SEC24D: variants seen among roughly 807,000 people sequenced by gnomAD.
The protein encoded by SEC24D is protein transport protein Sec24D.
A neutral mutation model predicts 116.9 loss-of-function variants in SEC24D; 69 were observed. That is an observed-to-expected ratio of 0.59 (90% CI 0.49 to 0.72). The LOEUF (loss-of-function observed/expected upper bound fraction) is 0.72. Ranked by LOEUF, SEC24D falls within the 30% of genes least tolerant of loss-of-function variation. SEC24D has a pLI of 0.00. For missense variants in SEC24D, 1,131 were observed against 1,264.1 expected (o/e 0.89, Z 1.60); for synonymous variants, 405 against 442.8 (o/e 0.91, Z 1.07).
intron 8 of SEC24D, among the ~76,000 whole-genome samples, chr4:118,796,192 A>G (rs1294053225): frequency 6.6e-6 from 1 of 152,172 alleles, no homozygotes; most frequent in Non-Finnish European, 1.5e-5. Flanking sequence ...ATGTTTGAAA[A>G]TTTTCAAAAC....
intron 8 of SEC24D, among the ~76,000 whole-genome samples, chr4:118,789,755 T>A (rs1397601791): frequency 6.6e-6 from 1 of 152,130 alleles, no homozygotes. Flanking sequence ...AGGCTAATTT[T>A]TTGTATTTTT....
chr4:118,834,736 T>C (rs1731016898), intron 1 of SEC24D, among the ~76,000 whole-genome samples: 1 of 152,212 alleles, frequency 6.6e-6, no homozygotes, highest in African/African-American at 2.4e-5. Flanking sequence ...ATGAAGCCTT[T>C]CCAGATTTCC....
In SEC24D at chr4:118,792,259, C is replaced by T. The variant is rs1223272481; in HGVS notation, c.1041+5424G>A. Among the ~76,000 whole-genome samples, 5 of 151,110 alleles carry T rather than the reference C, an allele frequency of 3.3e-5. 1 individual carries two copies. Among genetic ancestry groups the T allele is most frequent in the East Asian group, 4.0e-4 (2 of 5,050 alleles). On this transcript the variant is annotated intron_variant, in intron 8 of 22. Coordinates refer to ENST00000280551, the MANE Select transcript of SEC24D (RefSeq NM_014822.4). Reference sequence around the variant, plus strand: ...GAGACCCTCCGCCCGGCAGCCGCCCCGTCCGGGAGGTGGGGGGCAGCCCCC... The same window carrying T: ...GAGACCCTCCGCCCGGCAGCCGCCCTGTCCGGGAGGTGGGGGGCAGCCCCC...
chr4:118,733,032 T>C (rs972476321), intron 19 of SEC24D, 120 bp from the exon 20 acceptor site: 2 of 833,334 alleles, frequency 2.4e-6, no homozygotes, highest in Non-Finnish European at 3.8e-6. Context: ...AAGGATTAAC[T>C]GGTAACCCAT....
At chr4:118,748,880 G>C (rs1726679393) in intron 13 of SEC24D, among the ~76,000 whole-genome samples, 1 of 152,064 alleles carries the variant, frequency 6.6e-6, no homozygotes, top group Non-Finnish European at 1.5e-5. Flanking sequence ...AAACCTTTGT[G>C]CAAGGAGCAT....
chr4:118,764,670 G>A, intron 10 of SEC24D, 132 bp downstream of exon 10: 1 of 555,288 alleles, frequency 1.8e-6, no homozygotes, highest in Non-Finnish European at 3.2e-6. Flanking sequence ...CTGTGTCTTA[G>A]GCATTTCTAC....
rs1277877387 is a variant in SEC24D at position 118,723,221 on chromosome 4, T to A, written c.*294A>T. 1.7e-5 allele frequency: 4 copies of A among 235,226 alleles called. No homozygotes were observed. The highest frequency in any genetic ancestry group is 3.3e-5 in the Non-Finnish European group (4 of 122,782). The allele number at this position is 235,226 out of a possible 1,614,324, so 14.6% of individuals were successfully genotyped here. A position where few individuals can be genotyped will look rare whatever the true frequency, so the allele number is the denominator to read the frequency against. ...TTTATATGTCTAGCATAAAGAAAAT[T>A]GAGAATGTTTATGGTTCTGTAAACT... On this transcript the variant is annotated 3_prime_UTR_variant, in exon 23 of 23. Transcript: ENST00000280551.
At chr4:118,790,245 C>T (rs1382640657) in intron 8 of SEC24D, among the ~76,000 whole-genome samples, 1 of 152,164 alleles carries the variant, frequency 6.6e-6, no homozygotes, top group Non-Finnish European at 1.5e-5. Flanking sequence ...GAAAAATATA[C>T]ACAGATATTC....
chr4:118,731,062 G>A (rs1725661381), intron 21 of SEC24D: 2 of 452,962 alleles, frequency 4.4e-6, no homozygotes, highest in South Asian at 4.5e-5. Context: ...TACAGAGACT[G>A]GCACATAGTT....
intron 8 of SEC24D, among the ~76,000 whole-genome samples, chr4:118,775,304 T>C (rs981052877): frequency 1.5e-5 from 2 of 130,120 alleles, no homozygotes; most frequent in African/African-American, 3.1e-5. Context: ...CCCACAAATA[T>C]ACGCTCAGGA....
intron 8 of SEC24D, among the ~76,000 whole-genome samples, chr4:118,777,634 G>C (rs1728199994): frequency 6.6e-6 from 1 of 152,158 alleles, no homozygotes; most frequent in Non-Finnish European, 1.5e-5. Context: ...CCAGTAATGG[G>C]ATTGCTGGGT....
chr4:118,780,088 G>A (rs1728328267), intron 8 of SEC24D, among the ~76,000 whole-genome samples: 1 of 152,000 alleles, frequency 6.6e-6, no homozygotes, highest in African/African-American at 2.4e-5. Flanking sequence ...AGGGTGTTTC[G>A]TTTCTCTATC....
At position 118,755,430 on chromosome 4, in the gene SEC24D, C is replaced by G. The variant is rs1003766018; in HGVS notation, c.1421+2291G>C. 5.1e-4 allele frequency among the ~76,000 whole-genome samples: 75 copies of G among 146,194 alleles called. 1 individual carries two copies. The highest frequency in any genetic ancestry group is 4.6e-3 in the Admixed American group (66 of 14,430). ...AAATTTTAAGATCAAGCATTTGGAA[C>G]GTTTTAGTTACAGCAGCATTAAAAA... On this transcript the variant is annotated intron_variant, in intron 11 of 22. Transcript: ENST00000280551.
intron 1 of SEC24D, among the ~76,000 whole-genome samples, chr4:118,834,102 A>G (rs1033045497): frequency 6.6e-6 from 1 of 152,216 alleles, no homozygotes; most frequent in Non-Finnish European, 1.5e-5. Context: ...AGAGCACACC[A>G]TGCCATTCAA....
chr4:118,802,529 C>T (rs1729488461), intron 7 of SEC24D, among the ~76,000 whole-genome samples: 1 of 152,160 alleles, frequency 6.6e-6, no homozygotes, highest in Non-Finnish European at 1.5e-5. Flanking sequence ...CCAGGTCAGA[C>T]AAAGGGGCTT....
rs1372405960 is a variant in SEC24D at position 118,742,620 on chromosome 4, T to C, written c.1995+1368A>G. ...TTTATTTCATTTACAATCTTTGGTC[T>C]TATCAAGTCCCTTAGTTTATAAAGA... On this transcript the variant is annotated intron_variant, in intron 15 of 22. Coordinates refer to ENST00000280551, the MANE Select transcript of SEC24D (RefSeq NM_014822.4). Among the ~76,000 whole-genome samples the C allele has an allele frequency of 2.6e-5, 4 of 152,360 alleles. No homozygotes were observed. In the South Asian group the frequency reaches 8.3e-4, roughly 32 times the overall value.
At chr4:118,746,247 G>C (rs1366468905) in intron 13 of SEC24D, among the ~76,000 whole-genome samples, 1 of 147,918 alleles carries the variant, frequency 6.8e-6, no homozygotes, top group African/African-American at 2.5e-5. Flanking sequence ...GAGGGAGGGA[G>C]GGAAGGCATC....
chr4:118,744,190 T>C lies in SEC24D; in HGVS notation c.1825-32A>G, dbSNP rs28627331. 79,802 of 1,486,472 alleles carry C rather than the reference T, an allele frequency of 0.054. 2,597 individuals are homozygous for C. Among genetic ancestry groups the C allele is most frequent in the Non-Finnish European group, 0.063 (69,617 of 1,109,744 alleles). 92.1% of individuals were successfully genotyped at this position (1,486,472 alleles called of 1,614,324 possible). A position where few individuals can be genotyped will look rare whatever the true frequency, so the allele number is the denominator to read the frequency against. The stretch of plus-strand genomic sequence containing the variant: ...AAAAGATGCAAAAAAAAAGAAAAAA[T>C]AAAAATTACAAAATGTTTTTGGTTT... On this transcript the variant is annotated intron_variant, in intron 14 of 22. Coordinates refer to ENST00000280551, the MANE Select transcript of SEC24D (RefSeq NM_014822.4).
At chr4:118,781,131 T>C (rs902455236) in intron 8 of SEC24D, among the ~76,000 whole-genome samples, 1 of 152,116 alleles carries the variant, frequency 6.6e-6, no homozygotes, top group African/African-American at 2.4e-5. Flanking sequence ...CCTGACGTTA[T>C]GATGTTAGCT....
Sources: gnomAD v4.1 joint callset for allele counts (sites outside exome capture counted in the v4.1 genomes callset) on GRCh38, gnomAD v4.1.1 for gene constraint, MANE v1.5 for transcripts, NCBI Gene and HGNC (gene_info 2026-07-23, HGNC 2026-07-21) for gene names.